The following MMP2 variants were observed in gnomAD, a reference collection of about 807,000 sequenced individuals.
MMP2 encodes matrix metallopeptidase 2, also known as 72 kDa type IV collagenase.
A neutral mutation model predicts 74.8 loss-of-function variants in MMP2; 39 were observed. That is an observed-to-expected ratio of 0.52 (90% CI 0.40 to 0.68). The LOEUF (loss-of-function observed/expected upper bound fraction) is 0.68. Ranked by LOEUF, MMP2 falls within the 30% of genes least tolerant of loss-of-function variation. The pLI, the probability that MMP2 is intolerant of heterozygous loss-of-function variation, is 0.00. For synonymous variants in MMP2, 367 were observed against 339.8 expected (o/e 1.08, Z -0.88); for missense variants, 803 against 878.3 (o/e 0.91, Z 1.08).
chr16:55,501,485 T>A lies in MMP2; in HGVS notation c.1770-1294T>A, dbSNP rs571979673. ...TCCAAACTATCCTAACGCTAGGGAA[T>A]GTAGTTTGAGGGCTCAGTGGAGGTG... On this transcript the variant is annotated intron_variant, in intron 11 of 12. Coordinates refer to ENST00000219070, the MANE Select transcript of MMP2 (RefSeq NM_004530.6). Among the ~76,000 whole-genome samples the A allele has an allele frequency of 7.9e-5, 12 of 152,314 alleles. No homozygotes were observed. The East Asian group carries it at 2.3e-3, about 29-fold the overall frequency.
intron 6 of MMP2, among the ~76,000 whole-genome samples, chr16:55,489,267 C>T (rs1962340420): frequency 6.6e-6 from 1 of 152,222 alleles, no homozygotes. Context: ...AGGGGGCTCA[C>T]AGCTGAGGGG....
rs1256424768 is a variant in MMP2, at chr16:55,485,411, C to T, written c.642C>T (p.Thr214=). The change falls in exon 4 of 13, where the codon ACC becomes ACT. Residue 214 remains threonine, a synonymous_variant. Transcript: ENST00000219070. ...ATTTTGATGACGATGAGCTATGGAC[C>T]TTGGGAGAAGGCCAAGGTGAGAAAG... is the stretch of plus-strand genomic sequence containing the variant. ...DSHFDDDELW[T]LGEGQVVRVK... The T allele has an allele frequency of 3.7e-6, 6 of 1,614,120 alleles. No individual in the cohort carries two copies. Among genetic ancestry groups the T allele is most frequent in the Non-Finnish European group, 5.1e-6 (6 of 1,180,010 alleles).
chr16:55,488,516 A>G (rs1439701154), intron 5 of MMP2, 27 bp from the exon 6 acceptor site: 5 of 1,610,512 alleles, frequency 3.1e-6, no homozygotes, highest in Non-Finnish European at 4.2e-6. Context: ...TCTCATTCAC[A>G]TCCTTCCCTC....
intron 9 of MMP2, among the ~76,000 whole-genome samples, chr16:55,495,911 C>T (rs1208137996): frequency 1.3e-5 from 2 of 152,136 alleles, no homozygotes; most frequent in Admixed American, 6.5e-5. Flanking sequence ...TCCCAGGAAG[C>T]GAGAGAGAAA....
chr16:55,501,075 G>C (rs1436941083), intron 11 of MMP2, among the ~76,000 whole-genome samples: 2 of 152,204 alleles, frequency 1.3e-5, no homozygotes, highest in Non-Finnish European at 2.9e-5. Flanking sequence ...GATAATGATG[G>C]CTCTCAGTAT....
rs368110221 is a variant in MMP2, at chr16:55,503,885, G to A, written c.1879+997G>A. On this transcript the variant is annotated intron_variant, in intron 12 of 12. Transcript: ENST00000219070. The stretch of plus-strand genomic sequence containing the variant: ...ATTAGGGGCCTAGGCAGCTGCCATG[G>A]TTCACACCTGTCATCCCAGCACTCT... 2.1e-3 allele frequency among the ~76,000 whole-genome samples: 325 copies of A among 152,278 alleles called. 1 individual carries two copies. The highest frequency in any genetic ancestry group is 7.3e-3 in the African/African-American group (305 of 41,562).
In MMP2 at chr16:55,481,772, G is replaced by C. The variant is rs1296058385; in HGVS notation, c.154-1137G>C. On this transcript the variant is annotated intron_variant, in intron 1 of 12. Coordinates refer to ENST00000219070, the MANE Select transcript of MMP2 (RefSeq NM_004530.6). ...GTGCATGAACCAACCAGCTGGCCTA[G>C]TGATGATGTTAGGCAAGTGACTTCT... The C allele has an allele frequency of 1.7e-5, 12 of 714,354 alleles. No individual in the cohort carries two copies. In the East Asian group the frequency reaches 3.2e-4, roughly 19 times the overall value. The allele number at this position is 714,354 out of a possible 1,614,324, so 44.3% of individuals were successfully genotyped here. A position where few individuals can be genotyped will look rare whatever the true frequency, so the allele number is the denominator to read the frequency against.
At position 55,489,823 on chromosome 16, in the gene MMP2, A is replaced by C. The variant is rs942279531; in HGVS notation, c.1179A>C (p.Gln393His). The change falls in exon 7 of 13, where the codon CAA (glutamine) becomes CAC (histidine). Residue 393 changes from glutamine (Q) to histidine (H), a missense_variant and splice_region_variant. Gln to His is a conservative substitution (Grantham distance 24). This residue lies in a region of MMP2 where 555 missense variants were observed against 592.0 expected (regional missense o/e 0.94). Transcript: ENST00000219070. ...DDRKWGFCPD[Q>H]GYSLFLVAAH... The stretch of plus-strand genomic sequence containing the variant: ...GCAAGTGGGGCTTCTGCCCTGACCA[A>C]GGTACGAGGCCCTGGTCATTGGACA... The C allele has an allele frequency of 6.2e-7, 1 of 1,613,924 alleles. No homozygotes were observed. Among genetic ancestry groups the C allele is most frequent in the Non-Finnish European group, 8.5e-7 (1 of 1,179,924 alleles).
At position 55,502,808 on chromosome 16, in the gene MMP2, C is replaced by T. The variant is rs756048527; in HGVS notation, c.1799C>T (p.Pro600Leu). 1.9e-6 allele frequency: 3 copies of T among 1,614,068 alleles called. No individual in the cohort carries two copies. The highest frequency in any genetic ancestry group is 2.5e-6 in the Non-Finnish European group (3 of 1,179,996). Residue 600 changes from proline to leucine, a missense_variant, in exon 12 of 13, where the codon CCT (proline) becomes CTT (leucine). Transcript: ENST00000219070. ...RYNEVKKKMD[P>L]GFPKLIADAW... The stretch of plus-strand genomic sequence containing the variant: ...AATGAGGTGAAGAAGAAAATGGATC[C>T]TGGCTTCCCCAAGCTCATCGCAGAT...
At chr16:55,487,410 G>A (rs1334454049) in intron 5 of MMP2, 1 of 152,270 alleles carries the variant, frequency 6.6e-6, no homozygotes, top group Non-Finnish European at 1.5e-5. Context: ...TTAACGCTTT[G>A]CCTTTCTCAA....
Position 55,496,921 on chromosome 16 carries a change from G to T in MMP2, c.1473-5G>T, listed in dbSNP as rs376221024. 1 of 1,613,678 alleles carries T rather than the reference G, an allele frequency of 6.2e-7. No individual in the cohort carries two copies. The highest frequency in any genetic ancestry group is 8.5e-7 in the Non-Finnish European group (1 of 1,180,042). ...GGTTTCCTGTGCCCCCTTGCCTCCT[G>T]CCAGGTTCATTTGGCGGACTGTGAC... is the stretch of plus-strand genomic sequence containing the variant. On this transcript the variant is annotated splice_region_variant and splice_polypyrimidine_tract_variant and intron_variant, in intron 9 of 12. Transcript: ENST00000219070.
chr16:55,489,554 T>A, intron 6 of MMP2, 97 bp from the exon 7 acceptor site: 1 of 1,445,018 alleles, frequency 6.9e-7, no homozygotes, highest in South Asian at 1.1e-5. Flanking sequence ...TGAGTCTAAC[T>A]TAGGTGTGGT....
chr16:55,486,759 A>C (rs1174990731), intron 5 of MMP2: 1 of 152,128 alleles, frequency 6.6e-6, no homozygotes, highest in African/African-American at 2.4e-5. Context: ...AAAGTCTAAA[A>C]ATTTTTAACA....
intron 2 of MMP2, among the ~76,000 whole-genome samples, chr16:55,483,429 C>A (rs1293408901): frequency 1.3e-5 from 2 of 152,172 alleles, no homozygotes; most frequent in African/African-American, 2.4e-5. Context: ...CTAAGCTAGG[C>A]TGAACTAATA....
rs377503997 is a variant in MMP2 at position 55,485,614 on chromosome 16, G to A, written c.669G>A (p.Val223=). ...WTLGEGQVVR[V]KYGNADGEYC... is the part of the protein sequence containing the mutation. ...CATGTCACTCTTTAGTGGTCCGTGTGAAGTATGGGAACGCCGATGGGGAGT... is the reference window on the plus strand; with the variant it reads ...CATGTCACTCTTTAGTGGTCCGTGTAAAGTATGGGAACGCCGATGGGGAGT... The change falls in exon 5 of 13, where the codon GTG becomes GTA. Residue 223 remains valine, a synonymous_variant. Coordinates refer to ENST00000219070, the MANE Select transcript of MMP2 (RefSeq NM_004530.6). 2.4e-5 allele frequency: 38 copies of A among 1,614,040 alleles called. No individual in the cohort carries two copies. In the African/African-American group the frequency reaches 4.5e-4, roughly 19 times the overall value.
chr16:55,494,487 G>A (rs1962487531), intron 9 of MMP2, among the ~76,000 whole-genome samples: 1 of 152,192 alleles, frequency 6.6e-6, no homozygotes, highest in South Asian at 2.1e-4. Flanking sequence ...AGCTGGAGGA[G>A]GAAGAATGAT....
chr16:55,482,431 T>C (rs1445818434), intron 1 of MMP2, among the ~76,000 whole-genome samples: 2 of 152,184 alleles, frequency 1.3e-5, no homozygotes, highest in Admixed American at 1.3e-4. Flanking sequence ...AATGAGTTGA[T>C]AGAGGTAAAG....
intron 2 of MMP2, among the ~76,000 whole-genome samples, chr16:55,483,556 T>C (rs1190446332): frequency 3.3e-5 from 5 of 150,174 alleles, no homozygotes; most frequent in African/African-American, 1.2e-4. Context: ...TGGTAGCTAA[T>C]TGGGTTTAGC....
chr16:55,501,312 T>C (rs190117667), intron 11 of MMP2, among the ~76,000 whole-genome samples: 296 of 152,368 alleles, frequency 1.9e-3, no homozygotes, highest in African/African-American at 6.9e-3. Flanking sequence ...GTATTCTTTC[T>C]GGATGAAAAG....
Sources: allele counts gnomAD v4.1 joint callset (sites outside exome capture counted in the v4.1 genomes callset), GRCh38; gene constraint gnomAD v4.1.1; regional missense constraint gnomAD v4.1.1; transcripts MANE v1.5; gene names NCBI Gene and HGNC (gene_info 2026-07-23, HGNC 2026-07-21).